SNX13: variants seen among roughly 807,000 people sequenced by gnomAD.
The protein encoded by SNX13 is sorting nexin-13.
Under a neutral mutation model 133.6 loss-of-function variants are expected in SNX13, and 45 were observed. That is an observed-to-expected ratio of 0.34 (90% CI 0.27 to 0.43). SNX13 has a LOEUF of 0.43. SNX13 is among the 20% of genes least tolerant of loss of function. SNX13 has a pLI of 1.00. For missense variants in SNX13, 1,032 were observed against 1,145.1 expected, an observed-to-expected ratio of 0.90 and a Z score of 1.43; for synonymous variants, 414 against 373.9, an observed-to-expected ratio of 1.11 and a Z score of -1.24.
intron 9 of SNX13, among the ~76,000 whole-genome samples, chr7:17,852,024 A>C (rs1163211089): frequency 6.6e-6 from 1 of 152,198 alleles, no homozygotes; most frequent in African/African-American, 2.4e-5. Context: ...AAGGCCAAAA[A>C]CGTAGGAAAA....
rs1783779677 is a variant in SNX13, at chr7:17,793,890, A to C, written c.*155T>G. 1 of 744,828 alleles carries C rather than the reference A, an allele frequency of 1.3e-6. No homozygotes were observed. The highest frequency in any genetic ancestry group is 2.9e-5 in the East Asian group (1 of 34,782). The allele number at this position is 744,828 out of a possible 1,614,324, so 46.1% of individuals were successfully genotyped here. A position where few individuals can be genotyped will look rare whatever the true frequency, so the allele number is the denominator to read the frequency against. On this transcript the variant is annotated 3_prime_UTR_variant, in exon 26 of 26. Coordinates refer to ENST00000428135, the MANE Select transcript of SNX13 (RefSeq NM_015132.5). The stretch of plus-strand genomic sequence containing the variant: ...TGGTAGTGGTGGATTATAGATGAGA[A>C]TGAGAAGAACCACAGACTTATGGAT...
intron 1 of SNX13, among the ~76,000 whole-genome samples, chr7:17,921,190 CT>C (rs1800089201): frequency 6.6e-6 from 1 of 152,156 alleles, no homozygotes; most frequent in South Asian, 2.1e-4. Context: ...TCTGGACTGA[CT>C]CCTAAGAACT....
At chr7:17,798,977 TC>T in intron 23 of SNX13, 31 bp downstream of exon 23, 1 of 1,590,090 alleles carries the variant, frequency 6.3e-7, no homozygotes, top group East Asian at 2.2e-5. Flanking sequence ...CTAAGTAAGA[TC>T]AGATTAAAAG....
chr7:17,938,712 A>T, intron 1 of SNX13, among the ~76,000 whole-genome samples: 1 of 152,234 alleles, frequency 6.6e-6, no homozygotes, highest in Admixed American at 6.5e-5. Context: ...TTACTGGCAG[A>T]CACACAAGTA....
chr7:17,803,069 T>C (rs1351783732), intron 21 of SNX13, among the ~76,000 whole-genome samples: 1 of 152,200 alleles, frequency 6.6e-6, no homozygotes, highest in Non-Finnish European at 1.5e-5. Flanking sequence ...GTATAACTCA[T>C]CTGCACGACA....
At chr7:17,824,229 T>G (rs1245256231) in intron 17 of SNX13, among the ~76,000 whole-genome samples, 3 of 152,188 alleles carry the variant, frequency 2.0e-5, no homozygotes, top group Admixed American at 6.5e-5. Context: ...CTAATCATAT[T>G]GTTTAATTTA....
At chr7:17,839,758 ATT>A in intron 13 of SNX13, 47 bp downstream of exon 13, 1 of 1,465,474 alleles carries the variant, frequency 6.8e-7, no homozygotes, top group Non-Finnish European at 9.1e-7. Flanking sequence ...TACAAAAATT[ATT>A]AATAATACTG....
intron 18 of SNX13, 46 bp from the exon 19 acceptor site, chr7:17,816,335 G>C (rs1292341675): frequency 6.6e-7 from 1 of 1,506,448 alleles, no homozygotes; most frequent in Non-Finnish European, 8.9e-7. Context: ...AAAGACAAAA[G>C]GTTTTCCCAA....
At chr7:17,882,832 G>A in intron 5 of SNX13, 9 of 1,273,144 alleles carry the variant, frequency 7.1e-6, no homozygotes, top group African/African-American at 1.6e-5. Flanking sequence ...CATATTCTAG[G>A]AGACACAGTG....
At chr7:17,926,081 G>A (rs1468691819) in intron 1 of SNX13, among the ~76,000 whole-genome samples, 1 of 152,046 alleles carries the variant, frequency 6.6e-6, no homozygotes, top group Non-Finnish European at 1.5e-5. Flanking sequence ...TAAAATAGTT[G>A]AGCTATAATA....
chr7:17,844,759 A>T (rs2128320309), intron 12 of SNX13, among the ~76,000 whole-genome samples: 1 of 151,990 alleles, frequency 6.6e-6, no homozygotes, highest in East Asian at 1.9e-4. Context: ...AAAAAAAAAA[A>T]TCAGTCTAAT....
intron 18 of SNX13, among the ~76,000 whole-genome samples, chr7:17,820,794 C>A (rs1361233095): frequency 1.3e-5 from 2 of 151,838 alleles, no homozygotes; most frequent in African/African-American, 4.8e-5. Context: ...ACCTAAAATC[C>A]CTGAATGAGT....
chr7:17,882,807 C>T, intron 5 of SNX13: 1 of 1,243,848 alleles, frequency 8.0e-7, no homozygotes, highest in Non-Finnish European at 1.0e-6. Flanking sequence ...AATTTCAGAG[C>T]CAGAATTTAA....
chr7:17,843,918 C>A (rs1790194615), intron 12 of SNX13, among the ~76,000 whole-genome samples: 1 of 151,746 alleles, frequency 6.6e-6, no homozygotes, highest in Non-Finnish European at 1.5e-5. Flanking sequence ...TTAATTAAAA[C>A]AAACATAACA....
At chr7:17,888,812 AGTT>A in intron 5 of SNX13, 1 of 454,898 alleles carries the variant, frequency 2.2e-6, no homozygotes, top group South Asian at 1.6e-5. Flanking sequence ...AGAACAGGGC[AGTT>A]ATTATTACAC....
At chr7:17,924,962 C>G (rs949999345) in intron 1 of SNX13, among the ~76,000 whole-genome samples, 1 of 152,160 alleles carries the variant, frequency 6.6e-6, no homozygotes, top group Non-Finnish European at 1.5e-5. Context: ...AATCCCAGCA[C>G]TTTAGGAGGC....
At chr7:17,854,008 G>C (rs929182602) in intron 9 of SNX13, among the ~76,000 whole-genome samples, 1 of 151,850 alleles carries the variant, frequency 6.6e-6, no homozygotes, top group East Asian at 1.9e-4. Flanking sequence ...GAATCCTAAA[G>C]AAAGTTCTTC....
rs909750573 is a variant in SNX13 at position 17,799,983 on chromosome 7, T to C, written c.2299-829A>G. Among the ~76,000 whole-genome samples the C allele has an allele frequency of 2.0e-5, 3 of 151,794 alleles. No homozygotes were observed. In the South Asian group the frequency reaches 6.2e-4, roughly 31 times the overall value. On this transcript the variant is annotated intron_variant, in intron 22 of 25. Transcript: ENST00000428135. ...AGCATGAGTTATACATTTTTCACTG[T>C]CACGTTACAAACATTTCCTTAGTGC...
chr7:17,849,186 T>C (rs1228987633), intron 11 of SNX13, among the ~76,000 whole-genome samples: 1 of 152,194 alleles, frequency 6.6e-6, no homozygotes, highest in Non-Finnish European at 1.5e-5. Flanking sequence ...TCAATTCTCT[T>C]TTCTAAACTT....
Sources: gnomAD v4.1 joint callset for allele counts (sites outside exome capture counted in the v4.1 genomes callset) on GRCh38, gnomAD v4.1.1 for gene constraint, MANE v1.5 for transcripts, NCBI Gene and HGNC (gene_info 2026-07-23, HGNC 2026-07-21) for gene names.